The following GRIP2 variants were observed in gnomAD, a reference collection of about 807,000 sequenced individuals.
GRIP2 encodes the protein glutamate receptor-interacting protein 2.
GRIP2 carries 58 observed loss-of-function variants against 108.3 expected under a neutral mutation model. The ratio of observed to expected loss-of-function variants is 0.54; its 90% CI spans 0.43 to 0.67. The LOEUF (loss-of-function observed/expected upper bound fraction) is 0.67. GRIP2 is among the 30% of genes least tolerant of loss of function. GRIP2 has a pLI of 0.00. For synonymous variants in GRIP2, 586 were observed against 598.2 expected, an observed-to-expected ratio of 0.98 and a Z score of 0.30; for missense variants, 1,278 against 1,430.6, an observed-to-expected ratio of 0.89 and a Z score of 1.72.
At chr3:14,562,209 A>C in the GRIP2 span, among the ~76,000 whole-genome samples, 2 of 152,218 alleles carry the variant, frequency 1.3e-5, no homozygotes, top group Non-Finnish European at 2.9e-5. Context: ...AAGGACCCCC[A>C]GGACTCCTGA....
upstream of GRIP2, among the ~76,000 whole-genome samples, chr3:14,560,420 A>G (rs1695300856): frequency 6.6e-6 from 1 of 152,110 alleles, no homozygotes; most frequent in Non-Finnish European, 1.5e-5. Flanking sequence ...CCTTCCCTGC[A>G]TCCAGGGGAG....
upstream of GRIP2, among the ~76,000 whole-genome samples, chr3:14,560,058 G>A (rs749936040): frequency 7.9e-5 from 12 of 152,026 alleles, no homozygotes; most frequent in Non-Finnish European, 1.5e-4. Context: ...TTCAAGACCC[G>A]CCTGGGCAAC....
At chr3:14,564,948 G>C in the GRIP2 span, among the ~76,000 whole-genome samples, 1 of 152,224 alleles carries the variant, frequency 6.6e-6, no homozygotes, top group Admixed American at 6.5e-5. Flanking sequence ...GCTCAGCTCC[G>C]TGCGAGCATG....
intron 21 of GRIP2, 58 bp downstream of exon 21, chr3:14,503,508 A>G (rs1400818548): frequency 8.2e-7 from 1 of 1,215,210 alleles, no homozygotes; most frequent in Non-Finnish European, 1.2e-6. Flanking sequence ...CATTGCACAC[A>G]CACCAGAGTG....
chr3:14,563,523 G>A, the GRIP2 span, among the ~76,000 whole-genome samples: 13 of 152,066 alleles, frequency 8.5e-5, no homozygotes, highest in African/African-American at 1.2e-4. Flanking sequence ...TGGAGGGTCC[G>A]AGGAAGGTCA....
chr3:14,543,271 C>T (rs538147385), upstream of GRIP2, among the ~76,000 whole-genome samples: 88 of 152,338 alleles, frequency 5.8e-4, no homozygotes, highest in African/African-American at 2.1e-3. Flanking sequence ...GCTCGGGCCC[C>T]GCCCAGGCCC....
the GRIP2 span, among the ~76,000 whole-genome samples, chr3:14,568,552 T>C: frequency 6.6e-5 from 10 of 152,190 alleles, no homozygotes; most frequent in Non-Finnish European, 1.3e-4. Flanking sequence ...CATTCTGTCA[T>C]GAGCGTCTCC....
chr3:14,549,877 G>T (rs1190581202), intron 1 of GRIP2, among the ~76,000 whole-genome samples: 1 of 152,180 alleles, frequency 6.6e-6, no homozygotes, highest in Admixed American at 6.5e-5. Flanking sequence ...GGTGGACGTG[G>T]TGATCACCAG....
At chr3:14,559,303 G>A (rs1695284251), upstream of GRIP2, among the ~76,000 whole-genome samples, 1 of 152,114 alleles carries the variant, frequency 6.6e-6, no homozygotes, top group Non-Finnish European at 1.5e-5. Flanking sequence ...AGTGAAATTG[G>A]AATTCAAGTA....
chr3:14,576,510 G>A, the GRIP2 span, among the ~76,000 whole-genome samples: 1 of 152,246 alleles, frequency 6.6e-6, no homozygotes, highest in Non-Finnish European at 1.5e-5. Context: ...GGTGAGAGAG[G>A]CCTGGTGCTG....
chr3:14,542,902 C>A (rs747097785), upstream of GRIP2, among the ~76,000 whole-genome samples: 1 of 152,212 alleles, frequency 6.6e-6, no homozygotes, highest in Non-Finnish European at 1.5e-5. Context: ...AAGTTTCACA[C>A]TCAGGAGGCC....
chr3:14,580,456 G>A, the GRIP2 span, among the ~76,000 whole-genome samples: 1 of 152,218 alleles, frequency 6.6e-6, no homozygotes, highest in Non-Finnish European at 1.5e-5. Flanking sequence ...AGCACTTTAG[G>A]AAGCCGAGGT....
the GRIP2 span, among the ~76,000 whole-genome samples, chr3:14,577,986 G>T: frequency 7.2e-5 from 11 of 152,208 alleles, no homozygotes; most frequent in Non-Finnish European, 1.6e-4. Flanking sequence ...GGAGCTTAAG[G>T]TCTCCCTGGC....
Position 14,521,795 on chromosome 3 carries a change from G to C in GRIP2, c.567-8C>G, listed in dbSNP as rs767619784. The C allele has an allele frequency of 6.3e-7, 1 of 1,584,530 alleles. No homozygotes were observed. The highest frequency in any genetic ancestry group is 1.2e-5 in the South Asian group (1 of 86,292). ...ACCTTCAGGGAGCCCTCCCTGTAGG[G>C]AAGGGCCAGTCACCAGCCTGGCCCG... is the stretch of plus-strand genomic sequence containing the variant. On this transcript the variant is annotated splice_region_variant and splice_polypyrimidine_tract_variant and intron_variant, in intron 6 of 23. Transcript: ENST00000621039. This position sits in a 1 kb window ranked among gnomAD's most constrained non-coding sequence, Gnocchi z 5.1.
chr3:14,500,380 G>A (rs1215943077), intron 21 of GRIP2, among the ~76,000 whole-genome samples: 2 of 152,076 alleles, frequency 1.3e-5, no homozygotes, highest in Admixed American at 6.5e-5. Flanking sequence ...ACGAGTCCTC[G>A]GACTGAAAAA....
the GRIP2 span, chr3:14,574,168 C>A: frequency 2.2e-6 from 2 of 901,000 alleles, no homozygotes; most frequent in Non-Finnish European, 3.8e-6. Context: ...AGAATGGTGA[C>A]GAGCAAGTGC....
intron 11 of GRIP2, among the ~76,000 whole-genome samples, chr3:14,515,969 A>G (rs1397342947): frequency 6.6e-6 from 1 of 152,166 alleles, no homozygotes; most frequent in African/African-American, 2.4e-5. Flanking sequence ...CATAGTATGT[A>G]CATTCAGTAC....
In GRIP2 at chr3:14,496,500, G is replaced by C; in HGVS notation, c.2740C>G (p.Pro914Ala). The C allele has an allele frequency of 3.7e-6, 6 of 1,612,506 alleles. No homozygotes were observed. In the East Asian group the frequency reaches 1.1e-4, roughly 30 times the overall value. Residue 914 changes from proline to alanine, a missense_variant, in exon 22 of 24, where the codon CCT (proline) becomes GCT (alanine). By Grantham distance (27) the Pro-to-Ala change is conservative. Transcript: ENST00000621039. ...CGTACCTCCCGGCCCCTCTGCCAAG[G>C]CCGGTGGCCAGGCCTGCCCTCGAGG... ...VALEGRPGHR[P>A]WQRGREVRAS... is the part of the protein sequence containing the mutation.
At chr3:14,573,722 C>T in the GRIP2 span, 53 of 1,438,648 alleles carry the variant, frequency 3.7e-5, no homozygotes, top group Non-Finnish European at 4.8e-5. Context: ...CTTCTGGCCA[C>T]TCACGGGGGT....
Sources: gnomAD v4.1 joint callset for allele counts (sites outside exome capture counted in the v4.1 genomes callset) on GRCh38, gnomAD v4.1.1 for gene constraint, Gnocchi (gnomAD v3.1) non-coding constraint, MANE v1.5 for transcripts, NCBI Gene and HGNC (gene_info 2026-07-23, HGNC 2026-07-21) for gene names.